SGCD: variants seen among roughly 807,000 people sequenced by gnomAD.
SGCD encodes delta-sarcoglycan.
In SGCD, 18 loss-of-function variants were observed where a neutral mutation model predicts 36.6. The ratio of observed to expected loss-of-function variants is 0.49; its 90% CI spans 0.34 to 0.73. The LOEUF (loss-of-function observed/expected upper bound fraction) is 0.73. Ranked by LOEUF, SGCD falls within the 30% of genes least tolerant of loss-of-function variation. The probability of loss-of-function intolerance (pLI) is 0.01; values close to 1 mark genes in which losing one functional copy is unlikely to be tolerated. For synonymous variants in SGCD, 133 were observed against 130.6 expected, an observed-to-expected ratio of 1.02 and a Z score of -0.12; for missense variants, 387 against 346.7, an observed-to-expected ratio of 1.12 and a Z score of -0.92.
intron 3 of SGCD, among the ~76,000 whole-genome samples, chr5:156,372,160 TA>T (rs1488550959): frequency 2.0e-5 from 3 of 152,214 alleles, no homozygotes; most frequent in Non-Finnish European, 2.9e-5. Flanking sequence ...GGACCTCAGC[TA>T]GTTAATTGTG....
At chr5:156,477,049 GAAA>G (rs5872462) in intron 3 of SGCD, among the ~76,000 whole-genome samples, 4 of 123,006 alleles carry the variant, frequency 3.3e-5, no homozygotes, top group Non-Finnish European at 5.2e-5. Context: ...AAGAGAAAAA[GAAA>G]AAAAAAAAAA....
chr5:156,170,853 G>T (rs1763327829), intron 3 of SGCD, among the ~76,000 whole-genome samples: 2 of 152,132 alleles, frequency 1.3e-5, no homozygotes, highest in Non-Finnish European at 1.5e-5. Context: ...AGAAGAAATT[G>T]CTGCTTTTCT....
intron 3 of SGCD, among the ~76,000 whole-genome samples, chr5:156,239,673 A>G (rs751312084): frequency 2.0e-5 from 3 of 152,182 alleles, no homozygotes; most frequent in Non-Finnish European, 4.4e-5. Flanking sequence ...TATTCAGCCT[A>G]CTGCTACATA....
At chr5:156,547,185 G>C (rs1264836978) in intron 4 of SGCD, among the ~76,000 whole-genome samples, 1 of 152,052 alleles carries the variant, frequency 6.6e-6, no homozygotes, top group South Asian at 2.1e-4. Context: ...AATACATTTG[G>C]GGCCAGATTT....
intron 1 of SGCD, among the ~76,000 whole-genome samples, chr5:156,051,302 C>T (rs1034391333): frequency 1.4e-5 from 2 of 145,852 alleles, no homozygotes; most frequent in Admixed American, 6.8e-5. Flanking sequence ...TACTAAATTT[C>T]CAAAGTGACA....
chr5:155,839,625 C>G, the SGCD span, among the ~76,000 whole-genome samples: 1 of 151,992 alleles, frequency 6.6e-6, no homozygotes, highest in African/African-American at 2.4e-5. Flanking sequence ...TCTCCTTCTC[C>G]CCCATTGAAT....
the SGCD span, among the ~76,000 whole-genome samples, chr5:155,802,128 A>G: frequency 3.4e-4 from 51 of 152,162 alleles, no homozygotes; most frequent in Non-Finnish European, 6.9e-4. Context: ...GAGTTTAGAG[A>G]TCCTTGTCAG....
At chr5:155,745,296 A>G in the SGCD span, among the ~76,000 whole-genome samples, 1 of 152,226 alleles carries the variant, frequency 6.6e-6, no homozygotes, top group Non-Finnish European at 1.5e-5. Flanking sequence ...CATTGTCCAT[A>G]TAATATGATA....
At chr5:155,866,123 A>T (rs1755519953), upstream of SGCD, among the ~76,000 whole-genome samples, 1 of 152,184 alleles carries the variant, frequency 6.6e-6, no homozygotes, top group Admixed American at 6.5e-5. Flanking sequence ...ATTTTATCAC[A>T]GAGAGTATTA....
At chr5:156,250,656 C>A (rs1429203059) in intron 3 of SGCD, among the ~76,000 whole-genome samples, 1 of 152,170 alleles carries the variant, frequency 6.6e-6, no homozygotes, top group African/African-American at 2.4e-5. Context: ...CTTTCCGATT[C>A]TGTAACAAAA....
intron 7 of SGCD, among the ~76,000 whole-genome samples, chr5:156,716,585 C>A (rs1004931504): frequency 6.6e-6 from 1 of 152,224 alleles, no homozygotes; most frequent in Non-Finnish European, 1.5e-5. Flanking sequence ...AAGCAGTCAG[C>A]ATAGTGCTAG....
intron 1 of SGCD, among the ~76,000 whole-genome samples, chr5:155,958,169 A>G (rs1002777119): frequency 3.3e-5 from 5 of 152,078 alleles, no homozygotes; most frequent in African/African-American, 1.2e-4. Context: ...GAGGGTTGCT[A>G]TGGATGATGC....
chr5:156,407,431 C>T (rs1395154538), intron 3 of SGCD, among the ~76,000 whole-genome samples: 1 of 152,148 alleles, frequency 6.6e-6, no homozygotes, highest in African/African-American at 2.4e-5. Flanking sequence ...AATCTGTCTC[C>T]CTCATTGGCC....
intron 3 of SGCD, among the ~76,000 whole-genome samples, chr5:156,185,860 G>T (rs1218611266): frequency 0.33 from 2,066 of 6,174 alleles, 152 homozygotes; most frequent in African/African-American, 0.46. Context: ...TAGAGAGAGA[G>T]AGAGAGAGAG....
intron 3 of SGCD, among the ~76,000 whole-genome samples, chr5:156,212,707 C>T (rs1291220191): frequency 6.6e-6 from 1 of 152,050 alleles, no homozygotes; most frequent in Non-Finnish European, 1.5e-5. Context: ...ACATTCTTCT[C>T]AAGTATACGT....
intron 4 of SGCD, among the ~76,000 whole-genome samples, chr5:156,575,947 T>G (rs939292248): frequency 6.6e-6 from 1 of 152,136 alleles, no homozygotes; most frequent in Non-Finnish European, 1.5e-5. Context: ...TTTAATACTT[T>G]AAGTTCTAGG....
chr5:156,012,231 G>A (rs1380277486), intron 1 of SGCD, among the ~76,000 whole-genome samples: 1 of 152,056 alleles, frequency 6.6e-6, no homozygotes, highest in Non-Finnish European at 1.5e-5. Context: ...AGATAATTAC[G>A]AAAGAAATTC....
At chr5:155,844,979 C>T in the SGCD span, among the ~76,000 whole-genome samples, 1 of 152,214 alleles carries the variant, frequency 6.6e-6, no homozygotes, top group South Asian at 2.1e-4. Context: ...CTGCACCCAT[C>T]AACCCGTCAT....
intron 4 of SGCD, among the ~76,000 whole-genome samples, chr5:156,577,319 A>G (rs1182608437): frequency 6.6e-6 from 1 of 152,178 alleles, no homozygotes; most frequent in Non-Finnish European, 1.5e-5. Context: ...TGGTTGCTGT[A>G]GCCTTGTGGA....
Sources: allele counts gnomAD v4.1 joint callset (sites outside exome capture counted in the v4.1 genomes callset), GRCh38; gene constraint gnomAD v4.1.1; transcripts MANE v1.5; gene names NCBI Gene and HGNC (gene_info 2026-07-23, HGNC 2026-07-21).